The following RNF220 variants were observed in gnomAD, a reference collection of about 807,000 sequenced individuals.
RNF220 encodes E3 ubiquitin-protein ligase RNF220.
In RNF220, 7 loss-of-function variants were observed where a neutral mutation model predicts 67.1. The ratio of observed to expected loss-of-function variants is 0.10; its 90% CI spans 0.06 to 0.20. The LOEUF is 0.20. Ranked by LOEUF, RNF220 falls within the 10% of genes least tolerant of loss-of-function variation. RNF220 has a pLI of 1.00. For synonymous variants in RNF220, 270 were observed against 283.2 expected, an observed-to-expected ratio of 0.95 and a Z score of 0.47; for missense variants, 565 against 740.3, an observed-to-expected ratio of 0.76 and a Z score of 2.75.
chr1:44,544,404 T>G (rs1418866367), intron 2 of RNF220, among the ~76,000 whole-genome samples: 2 of 152,194 alleles, frequency 1.3e-5, no homozygotes, highest in East Asian at 1.9e-4. Context: ...TGAGCCTCAG[T>G]TTCCTTATAG....
intron 2 of RNF220, among the ~76,000 whole-genome samples, chr1:44,568,870 C>T (rs1409395383): frequency 3.3e-5 from 5 of 152,228 alleles, no homozygotes; most frequent in Middle Eastern, 3.4e-3. Context: ...GGCTATTCCT[C>T]CTTGAATATT....
rs191713546 is a variant in RNF220, at chr1:44,505,969, G to C, written c.625+93247G>C. On this transcript the variant is annotated intron_variant, in intron 2 of 14. Coordinates refer to ENST00000361799, the MANE Select transcript of RNF220 (RefSeq NM_018150.4). ...TTCTCCCCCATCCTTGACACCTCTA[G>C]AAGGTAGCCCATCATACCCCCTTAT... is the stretch of plus-strand genomic sequence containing the variant. Among the ~76,000 whole-genome samples, 3 of 151,932 alleles carry C rather than the reference G, an allele frequency of 2.0e-5. No homozygotes were observed. The South Asian group carries it at 6.2e-4, about 32-fold the overall frequency.
chr1:44,541,988 G>A (rs1661713416), intron 2 of RNF220, among the ~76,000 whole-genome samples: 1 of 152,170 alleles, frequency 6.6e-6, no homozygotes, highest in Non-Finnish European at 1.5e-5. Context: ...CAGGATCCAT[G>A]CTATGGCAGA....
chr1:44,561,466 G>A (rs527655250), intron 2 of RNF220, among the ~76,000 whole-genome samples: 8 of 152,100 alleles, frequency 5.3e-5, no homozygotes, highest in Non-Finnish European at 1.0e-4. Context: ...CCCAGATCGC[G>A]CCACTGCACT....
intron 2 of RNF220, among the ~76,000 whole-genome samples, chr1:44,556,758 A>G (rs1230041692): frequency 1.3e-5 from 2 of 151,834 alleles, no homozygotes; most frequent in Non-Finnish European, 2.9e-5. Flanking sequence ...ACGGGGTTTC[A>G]CTGTGTTAGC....
At position 44,560,024 on chromosome 1, in the gene RNF220, T is replaced by G. The variant is rs181611250; in HGVS notation, c.626-54141T>G. ...TTCAGCACCTCCCGGCTCTCTGGCT[T>G]CTGTCCTCAGTGCCCATCAGGCAGG... On this transcript the variant is annotated intron_variant, in intron 2 of 14. Transcript: ENST00000361799. Among the ~76,000 whole-genome samples, 178 of 152,308 alleles carry G rather than the reference T, an allele frequency of 1.2e-3. 2 individuals are homozygous for G. The highest frequency in any genetic ancestry group is 4.0e-3 in the African/African-American group (167 of 41,578).
chr1:44,488,084 C>T (rs1656489052), intron 2 of RNF220, among the ~76,000 whole-genome samples: 1 of 151,220 alleles, frequency 6.6e-6, no homozygotes. Flanking sequence ...GATCCTTCTG[C>T]CTCAGTCTCC....
chr1:44,528,053 C>G (rs1367249241), intron 2 of RNF220, among the ~76,000 whole-genome samples: 1 of 145,762 alleles, frequency 6.9e-6, no homozygotes, highest in African/African-American at 2.5e-5. Flanking sequence ...TATACAACAA[C>G]AAAAGCCCCA....
intron 2 of RNF220, among the ~76,000 whole-genome samples, chr1:44,594,815 T>C (rs985902520): frequency 6.6e-6 from 1 of 152,150 alleles, no homozygotes; most frequent in African/African-American, 2.4e-5. Flanking sequence ...GCTGGGTTGG[T>C]TCAAAGTACT....
chr1:44,579,699 T>C (rs755379965), intron 2 of RNF220, among the ~76,000 whole-genome samples: 8 of 152,118 alleles, frequency 5.3e-5, no homozygotes, highest in Non-Finnish European at 8.8e-5. Flanking sequence ...CTCCTCTGCT[T>C]AAGTAAGTCC....
At chr1:44,556,923 C>T (rs1002554802) in intron 2 of RNF220, among the ~76,000 whole-genome samples, 8 of 151,696 alleles carry the variant, frequency 5.3e-5, no homozygotes, top group Non-Finnish European at 7.4e-5. Flanking sequence ...GGAGGGGAAC[C>T]CATGGTGCTC....
chr1:44,565,571 A>G lies in RNF220; in HGVS notation c.626-48594A>G, dbSNP rs71653919. 0.12 allele frequency among the ~76,000 whole-genome samples: 17,761 copies of G among 152,240 alleles called. 1,325 individuals carry two copies. The highest frequency in any genetic ancestry group is 0.22 in the African/African-American group (9,021 of 41,530). ...CACAATTACCCCTTCCTTCTCCCTCAGCCCAGGCAAGGGGGAGGTTGCATG... is the reference window on the plus strand; with the variant it reads ...CACAATTACCCCTTCCTTCTCCCTCGGCCCAGGCAAGGGGGAGGTTGCATG... On this transcript the variant is annotated intron_variant, in intron 2 of 14. Coordinates refer to ENST00000361799, the MANE Select transcript of RNF220 (RefSeq NM_018150.4). This position sits in a 1 kb window ranked among gnomAD's most constrained non-coding sequence, Gnocchi z 4.2.
intron 2 of RNF220, among the ~76,000 whole-genome samples, chr1:44,552,195 G>A (rs1231165813): frequency 6.6e-6 from 1 of 152,188 alleles, no homozygotes; most frequent in Non-Finnish European, 1.5e-5. Flanking sequence ...GCCTCCTTTA[G>A]GCTGTCTCAG....
intron 5 of RNF220, chr1:44,631,918 G>C (rs1031242890): frequency 1.0e-6 from 1 of 987,228 alleles, no homozygotes; most frequent in Non-Finnish European, 1.2e-6. Flanking sequence ...CGCCCCCGCC[G>C]CATTGTGAAC....
chr1:44,609,856 A>G (rs763941744), intron 2 of RNF220, among the ~76,000 whole-genome samples: 1 of 152,222 alleles, frequency 6.6e-6, no homozygotes, highest in Non-Finnish European at 1.5e-5. Flanking sequence ...AGCAAGGAAA[A>G]GGGACTCTCT....
chr1:44,416,040 C>G (rs1451426901), intron 2 of RNF220, among the ~76,000 whole-genome samples: 1 of 152,202 alleles, frequency 6.6e-6, no homozygotes, highest in Non-Finnish European at 1.5e-5. Flanking sequence ...ATAGATGATT[C>G]TGGTTTGCTT....
At chr1:44,601,608 A>C (rs1379300651) in intron 2 of RNF220, among the ~76,000 whole-genome samples, 1 of 152,190 alleles carries the variant, frequency 6.6e-6, no homozygotes, top group African/African-American at 2.4e-5. Context: ...GGGAGGTGAG[A>C]GTAGATCCAC....
chr1:44,572,937 A>G (rs1572918084), intron 2 of RNF220: 1 of 368,806 alleles, frequency 2.7e-6, no homozygotes, highest in Middle Eastern at 3.6e-4. Flanking sequence ...TCCAGGTGGA[A>G]ATCACGTTGA....
At chr1:44,618,327 C>T (rs1041059685) in intron 3 of RNF220, among the ~76,000 whole-genome samples, 1 of 152,224 alleles carries the variant, frequency 6.6e-6, no homozygotes, top group South Asian at 2.1e-4. Context: ...GATGTGCCCA[C>T]ACACACACCC....
Sources: gnomAD v4.1 joint callset for allele counts (sites outside exome capture counted in the v4.1 genomes callset) on GRCh38, gnomAD v4.1.1 for gene constraint, Gnocchi (gnomAD v3.1) non-coding constraint, MANE v1.5 for transcripts, NCBI Gene and HGNC (gene_info 2026-07-23, HGNC 2026-07-21) for gene names.